Variants in AHCY observed in about 807,000 individuals in gnomAD.
AHCY encodes S-adenosyl-L-homocysteine hydrolase.
A neutral mutation model predicts 45.4 loss-of-function variants in AHCY; 24 were observed. The observed-to-expected ratio is 0.53, with a 90% CI of 0.38 to 0.74. The LOEUF (loss-of-function observed/expected upper bound fraction) is 0.74. AHCY is among the 30% of genes least tolerant of loss of function. The probability of loss-of-function intolerance (pLI) is 0.00; values close to 1 mark genes in which losing one functional copy is unlikely to be tolerated. For synonymous variants in AHCY, 245 were observed against 235.1 expected (o/e 1.04, Z -0.39); for missense variants, 449 against 594.1 (o/e 0.76, Z 2.54).
the AHCY span, among the ~76,000 whole-genome samples, chr20:34,257,282 GGTTTCACCATGTTGGCCAGGTC>G: frequency 6.6e-6 from 1 of 151,542 alleles, no homozygotes; most frequent in Non-Finnish European, 1.5e-5. Context: ...GTAGAAACGG[GGTTTCACCATGTTGGCCAGGTC>G]GAACTCCTGA....
At chr20:34,241,429 T>C in the AHCY span, 52 of 984,852 alleles carry the variant, frequency 5.3e-5, no homozygotes, top group Non-Finnish European at 6.1e-5. Flanking sequence ...AAGCAGCAAA[T>C]CTCTACAGCT....
the AHCY span, among the ~76,000 whole-genome samples, chr20:34,258,771 T>TACA: frequency 1.1e-5 from 1 of 88,444 alleles, no homozygotes; most frequent in African/African-American, 6.1e-5. Context: ...ATATATATAA[T>TACA]ATATATAGTA....
the AHCY span, among the ~76,000 whole-genome samples, chr20:34,252,094 T>C: frequency 3.9e-3 from 600 of 152,358 alleles, 6 homozygotes; most frequent in African/African-American, 0.014. Context: ...TAGTGAGTCA[T>C]ATAGTCCTAT....
the AHCY span, among the ~76,000 whole-genome samples, chr20:34,247,773 T>C: frequency 6.6e-6 from 1 of 152,146 alleles, no homozygotes; most frequent in Non-Finnish European, 1.5e-5. Context: ...ATTTTTTAAA[T>C]TTTTGTGGAG....
intron 1 of AHCY, among the ~76,000 whole-genome samples, chr20:34,308,739 C>A: frequency 6.6e-6 from 1 of 151,418 alleles, no homozygotes. Flanking sequence ...CTGCAACCTC[C>A]GCCTCCCGGG....
intron 9 of AHCY, among the ~76,000 whole-genome samples, chr20:34,284,594 G>A (rs2036109278): frequency 1.3e-5 from 2 of 152,160 alleles, no homozygotes; most frequent in Admixed American, 6.5e-5. Context: ...GCCGAGGCGG[G>A]TGGATCACTT....
the AHCY span, among the ~76,000 whole-genome samples, chr20:34,262,335 G>T: frequency 6.6e-6 from 1 of 152,192 alleles, no homozygotes; most frequent in Non-Finnish European, 1.5e-5. Flanking sequence ...GTTACCCACA[G>T]CCACATAGTC....
the AHCY span, among the ~76,000 whole-genome samples, chr20:34,258,768 TAA>T: frequency 3.0e-5 from 3 of 100,376 alleles, no homozygotes; most frequent in Non-Finnish European, 5.8e-5. Context: ...ATGATATATA[TAA>T]TATATATAGT....
the AHCY span, among the ~76,000 whole-genome samples, chr20:34,249,685 C>G: frequency 6.6e-6 from 1 of 152,152 alleles, no homozygotes; most frequent in African/African-American, 2.4e-5. Flanking sequence ...TCAACTCTAA[C>G]ACTTCCCCCT....
the AHCY span, among the ~76,000 whole-genome samples, chr20:34,236,448 G>A: frequency 6.6e-6 from 1 of 152,136 alleles, no homozygotes; most frequent in East Asian, 1.9e-4. Flanking sequence ...GGAGGTTGAG[G>A]CAGAAGAATC....
chr20:34,234,197 A>G, the AHCY span, among the ~76,000 whole-genome samples: 2 of 152,200 alleles, frequency 1.3e-5, no homozygotes. Context: ...GCACACCACA[A>G]CAGTGATCCA....
Position 34,280,995 on chromosome 20 carries a change from C to T in AHCY, c.*39G>A, listed in dbSNP as rs781392338. ...TTAGGGAGGAGAGGTGGGGCCTGGG[C>T]AAGGACAGCAGCTGGAGGGTGAAAC... On this transcript the variant is annotated 3_prime_UTR_variant, in exon 10 of 10. Coordinates refer to ENST00000217426, the MANE Select transcript of AHCY (RefSeq NM_000687.4). 6.2e-7 allele frequency: 1 copy of T among 1,613,242 alleles called. No homozygotes were observed.
At chr20:34,298,881 C>G (rs975615265) in intron 1 of AHCY, among the ~76,000 whole-genome samples, 20 of 152,128 alleles carry the variant, frequency 1.3e-4, no homozygotes, top group African/African-American at 4.1e-4. Context: ...CTGTCTTTCT[C>G]TCTGTCTCCT....
chr20:34,301,547 T>C (rs1205981924), intron 1 of AHCY, among the ~76,000 whole-genome samples: 1 of 152,192 alleles, frequency 6.6e-6, no homozygotes, highest in Non-Finnish European at 1.5e-5. Flanking sequence ...TAGCTTGCTA[T>C]GCGCCTTAAG....
intron 5 of AHCY, 145 bp from the exon 6 acceptor site, chr20:34,291,083 GC>G: frequency 1.4e-6 from 1 of 731,400 alleles, no homozygotes; most frequent in Non-Finnish European, 2.3e-6. Flanking sequence ...AGCACCCAAT[GC>G]CCCCACAAGC....
chr20:34,274,541 C>G, the AHCY span, among the ~76,000 whole-genome samples: 1 of 152,202 alleles, frequency 6.6e-6, no homozygotes, highest in African/African-American at 2.4e-5. Context: ...AACACCACCC[C>G]AGGGAGTAGT....
At chr20:34,247,875 G>T in the AHCY span, among the ~76,000 whole-genome samples, 1 of 152,132 alleles carries the variant, frequency 6.6e-6, no homozygotes, top group African/African-American at 2.4e-5. Context: ...GGGATTACAG[G>T]CATGAGCCAT....
the AHCY span, chr20:34,245,853 T>A: frequency 1.3e-6 from 1 of 797,552 alleles, no homozygotes; most frequent in South Asian, 4.4e-5. Context: ...TATATATATA[T>A]TCTACAGTAA....
the AHCY span, chr20:34,269,352 G>T: frequency 1.4e-6 from 1 of 731,848 alleles, no homozygotes; most frequent in South Asian, 2.6e-5. Flanking sequence ...GCTCGAAGGT[G>T]TGCGGCTGTT....
Sources: allele counts gnomAD v4.1 joint callset (sites outside exome capture counted in the v4.1 genomes callset), GRCh38; gene constraint gnomAD v4.1.1; transcripts MANE v1.5; gene names NCBI Gene and HGNC (gene_info 2026-07-23, HGNC 2026-07-21).